The following PDE10A variants were observed in gnomAD, a reference collection of about 807,000 sequenced individuals.
PDE10A encodes the protein phosphodiesterase 10A, also known as cAMP and cAMP-inhibited cGMP 3',5'-cyclic phosphodiesterase 10A.
A neutral mutation model predicts 97.7 loss-of-function variants in PDE10A; 39 were observed. That is an observed-to-expected ratio of 0.40 (90% CI 0.31 to 0.52). The LOEUF (loss-of-function observed/expected upper bound fraction) is 0.52. Ranked by LOEUF, PDE10A falls within the 20% of genes least tolerant of loss-of-function variation. The probability of loss-of-function intolerance (pLI) is 0.56; values close to 1 mark genes in which losing one functional copy is unlikely to be tolerated. For synonymous variants in PDE10A, 371 were observed against 376.8 expected (o/e 0.98, Z 0.18); for missense variants, 731 against 1,047.8 (o/e 0.70, Z 4.17).
intron 1 of PDE10A, among the ~76,000 whole-genome samples, chr6:165,762,645 T>C (rs1374947228): frequency 6.6e-6 from 1 of 152,172 alleles, no homozygotes; most frequent in African/African-American, 2.4e-5. Flanking sequence ...AACACAGATA[T>C]GTAATGAAGC....
intron 1 of PDE10A, among the ~76,000 whole-genome samples, chr6:165,618,287 C>A (rs572104446): frequency 7.9e-5 from 12 of 152,040 alleles, no homozygotes; most frequent in African/African-American, 2.9e-4. Context: ...ATTTAACTTG[C>A]AGGCTACAAG....
chr6:165,425,113 A>T (rs1229028488), intron 10 of PDE10A, among the ~76,000 whole-genome samples: 1 of 152,210 alleles, frequency 6.6e-6, no homozygotes, highest in Non-Finnish European at 1.5e-5. Flanking sequence ...AAGAAGAACC[A>T]CTAGAATCTC....
At chr6:165,651,904 CTT>C (rs1387112401) in intron 1 of PDE10A, among the ~76,000 whole-genome samples, 1 of 152,038 alleles carries the variant, frequency 6.6e-6, no homozygotes, top group Non-Finnish European at 1.5e-5. Context: ...AGTAGTCTAT[CTT>C]TGCTTCTCCT....
At chr6:165,530,983 C>T (rs1244306254) in intron 2 of PDE10A, among the ~76,000 whole-genome samples, 2 of 152,100 alleles carry the variant, frequency 1.3e-5, no homozygotes, top group Non-Finnish European at 2.9e-5. Context: ...CCCAAAAGGC[C>T]TTGCATGACA....
chr6:165,462,850 G>T (rs1778409207), intron 3 of PDE10A, among the ~76,000 whole-genome samples: 1 of 152,140 alleles, frequency 6.6e-6, no homozygotes, highest in African/African-American at 2.4e-5. Flanking sequence ...AATCTTGGCT[G>T]GCAATAATGC....
In PDE10A at chr6:165,974,693, TG is replaced by T. The variant is rs1276097569; in HGVS notation, c.-615+12835del. Reference sequence around the variant, plus strand: ...TTTTACATCTCATTGGTACCTTCTCTGGGACCACAGTATGCTAGATTCTATT... The same window carrying T: ...TTTTACATCTCATTGGTACCTTCTCTGGACCACAGTATGCTAGATTCTATT... On this transcript the variant is annotated intron_variant, in intron 1 of 19. Coordinates refer to the PDE10A transcript ENST00000366882. Among the ~76,000 whole-genome samples, 3 of 152,230 alleles carry T rather than the reference TG, an allele frequency of 2.0e-5. No individual in the cohort carries two copies. In the East Asian group the frequency reaches 5.8e-4, roughly 29 times the overall value.
At chr6:165,513,699 C>T (rs945532814) in intron 2 of PDE10A, among the ~76,000 whole-genome samples, 6 of 152,124 alleles carry the variant, frequency 3.9e-5, no homozygotes, top group African/African-American at 1.4e-4. Context: ...TAATTTCTTT[C>T]AGCAATGTTT....
At chr6:165,735,362 G>A (rs1792548329) in intron 1 of PDE10A, among the ~76,000 whole-genome samples, 2 of 138,246 alleles carry the variant, frequency 1.4e-5, no homozygotes, top group Admixed American at 1.4e-4. Flanking sequence ...AGGTAGATAG[G>A]TGGGTGGGTA....
chr6:165,689,044 G>A (rs1054928547), intron 1 of PDE10A, among the ~76,000 whole-genome samples: 6 of 152,204 alleles, frequency 3.9e-5, no homozygotes, highest in African/African-American at 1.2e-4. Flanking sequence ...CCATTGGCAC[G>A]GCTTATGCAG....
At chr6:165,552,288 G>A (rs1450283329) in intron 1 of PDE10A, among the ~76,000 whole-genome samples, 1 of 152,188 alleles carries the variant, frequency 6.6e-6, no homozygotes, top group Non-Finnish European at 1.5e-5. Context: ...CAGAAAAGGG[G>A]TTAACACAGC....
chr6:165,363,410 G>A, intron 18 of PDE10A, among the ~76,000 whole-genome samples: 1 of 152,252 alleles, frequency 6.6e-6, no homozygotes, highest in Admixed American at 6.5e-5. Context: ...AGCTACTCGG[G>A]AGGCTGAGGC....
chr6:165,771,132 G>C (rs1156786114), intron 1 of PDE10A, among the ~76,000 whole-genome samples: 3 of 152,220 alleles, frequency 2.0e-5, no homozygotes, highest in Non-Finnish European at 2.9e-5. Flanking sequence ...ATGGCTGAAA[G>C]AAAGGGCACC....
chr6:165,984,030 A>G (rs1315739273), intron 1 of PDE10A, among the ~76,000 whole-genome samples: 2 of 152,380 alleles, frequency 1.3e-5, no homozygotes, highest in East Asian at 3.9e-4. Context: ...AAAGAAATAC[A>G]TTCCCAACTC....
chr6:165,965,840 C>T (rs557038164), intron 1 of PDE10A, among the ~76,000 whole-genome samples: 14 of 152,316 alleles, frequency 9.2e-5, no homozygotes, highest in African/African-American at 3.4e-4. Flanking sequence ...CTGAAGACAG[C>T]CCAGGAGCTG....
At chr6:165,849,381 G>A (rs1206111210) in intron 1 of PDE10A, among the ~76,000 whole-genome samples, 1 of 152,154 alleles carries the variant, frequency 6.6e-6, no homozygotes, top group Non-Finnish European at 1.5e-5. Context: ...CCGCTTTTGG[G>A]GGTTGTTGGA....
intron 1 of PDE10A, among the ~76,000 whole-genome samples, chr6:165,810,952 G>A (rs1054136630): frequency 1.3e-5 from 2 of 152,270 alleles, no homozygotes; most frequent in African/African-American, 4.8e-5. Flanking sequence ...CAGGCCGGAT[G>A]TGGTGGCTCA....
intron 1 of PDE10A, among the ~76,000 whole-genome samples, chr6:165,791,826 G>A (rs1302696123): frequency 6.6e-6 from 1 of 152,192 alleles, no homozygotes; most frequent in Non-Finnish European, 1.5e-5. Context: ...GGGACAGCGT[G>A]AGAAGAATCT....
intron 8 of PDE10A, 87 bp downstream of exon 8, chr6:165,431,335 C>G (rs1417128899): frequency 1.9e-5 from 14 of 737,942 alleles, no homozygotes; most frequent in Non-Finnish European, 2.9e-5. Flanking sequence ...CATTGGGTGA[C>G]TTAACCTCTA....
intron 1 of PDE10A, among the ~76,000 whole-genome samples, chr6:165,817,234 A>G (rs890309090): frequency 6.6e-6 from 1 of 152,120 alleles, no homozygotes; most frequent in Non-Finnish European, 1.5e-5. Context: ...GTAGCTCTGC[A>G]TCTCAGTCTG....
Sources: gnomAD v4.1 joint callset for allele counts (sites outside exome capture counted in the v4.1 genomes callset) on GRCh38, gnomAD v4.1.1 for gene constraint, MANE v1.5 for transcripts, NCBI Gene and HGNC (gene_info 2026-07-23, HGNC 2026-07-21) for gene names.